The following OLFM2 variants were observed in gnomAD, a reference collection of about 807,000 sequenced individuals.
OLFM2 encodes noelin-2.
OLFM2 carries 20 observed loss-of-function variants against 43.9 expected under a neutral mutation model. That is an observed-to-expected ratio of 0.46 (90% CI 0.32 to 0.66). OLFM2 has a LOEUF of 0.66. Ranked by LOEUF, OLFM2 falls within the 30% of genes least tolerant of loss-of-function variation. OLFM2 has a pLI of 0.04. For synonymous variants in OLFM2, 268 were observed against 278.6 expected (o/e 0.96, Z 0.38); for missense variants, 416 against 643.6 (o/e 0.65, Z 3.83).
chr19:9,888,833 G>A (rs1041457796), intron 1 of OLFM2, among the ~76,000 whole-genome samples: 4 of 152,070 alleles, frequency 2.6e-5, no homozygotes, highest in South Asian at 2.1e-4. Context: ...TTGGGAGGCC[G>A]AGGCGGGCGG....
intron 1 of OLFM2, among the ~76,000 whole-genome samples, chr19:9,919,176 C>CTTTCTTT (rs1555728852): frequency 2.0e-5 from 3 of 149,262 alleles, no homozygotes; most frequent in Non-Finnish European, 4.4e-5. Context: ...ATTTCTCTCT[C>CTTTCTTT]TTTTTTTTGA....
intron 1 of OLFM2, among the ~76,000 whole-genome samples, chr19:9,900,966 GGAAGGAAGGAAGGA>G: frequency 2.4e-5 from 1 of 41,960 alleles, no homozygotes; most frequent in African/African-American, 2.0e-4. Flanking sequence ...AAGGAAGGAA[GGAAGGAAGGAAGGA>G]AGGAAGGAAG....
At chr19:9,922,093 C>CAAAAA (rs551625851) in intron 1 of OLFM2, among the ~76,000 whole-genome samples, 1 of 80,680 alleles carries the variant, frequency 1.2e-5, no homozygotes, top group Non-Finnish European at 2.7e-5. Context: ...GACCCTGTCT[C>CAAAAA]AAAAAAAAAA....
At chr19:9,889,267 T>C (rs1318294398) in intron 1 of OLFM2, among the ~76,000 whole-genome samples, 3 of 151,854 alleles carry the variant, frequency 2.0e-5, no homozygotes, top group Non-Finnish European at 4.4e-5. Context: ...TTTTTGTTTT[T>C]GAGATAGGCT....
intron 1 of OLFM2, among the ~76,000 whole-genome samples, chr19:9,867,419 C>T (rs968566528): frequency 9.2e-5 from 14 of 152,086 alleles, no homozygotes; most frequent in African/African-American, 3.4e-4. Context: ...CTGGTGTTTC[C>T]CTGGGGACGG....
intron 1 of OLFM2, among the ~76,000 whole-genome samples, chr19:9,901,036 G>GGGGAGGGAGGGAAGGGA (rs1242020805): frequency 5.3e-5 from 3 of 56,134 alleles, no homozygotes; most frequent in African/African-American, 1.5e-4. Flanking sequence ...GGAAGGAAGC[G>GGGGAGGGAGGGAAGGGA]GGGAGGGAGG....
In OLFM2 at chr19:9,856,829, A is replaced by G. The variant is rs753934718; in HGVS notation, c.665T>C (p.Met222Thr). 1 of 1,613,662 alleles carries G rather than the reference A, an allele frequency of 6.2e-7. No homozygotes were observed. Among genetic ancestry groups the G allele is most frequent in the Non-Finnish European group, 8.5e-7 (1 of 1,179,882 alleles). ...SRFGSWMTDT[M>T]APSADSRVWY... ...CACCCGGCTATCCGCACTGGGGGCC[A>G]TCGTGTCAGTCATCCAGGAGCCGAA... Residue 222 changes from methionine to threonine, a missense_variant, in exon 5 of 6, where the codon ATG becomes ACG. Coordinates refer to ENST00000264833, the MANE Select transcript of OLFM2 (RefSeq NM_058164.4). The surrounding 1 kb of genome is among the most constrained non-coding windows in gnomAD (Gnocchi z 4.0).
intron 1 of OLFM2, among the ~76,000 whole-genome samples, chr19:9,929,335 G>A (rs750723447): frequency 9.2e-5 from 14 of 152,158 alleles, no homozygotes; most frequent in Non-Finnish European, 1.5e-4. Context: ...GCTCACACCT[G>A]TAATCCCAGC....
intron 1 of OLFM2, among the ~76,000 whole-genome samples, chr19:9,911,644 T>C (rs546982014): frequency 1.3e-5 from 2 of 152,242 alleles, no homozygotes; most frequent in African/African-American, 2.4e-5. Flanking sequence ...ACAAAGATAC[T>C]TGCACACACG....
At position 9,856,406 on chromosome 19, in the gene OLFM2, G is replaced by A. The variant is rs2046318133; in HGVS notation, c.687+401C>T. On this transcript the variant is annotated intron_variant, in intron 5 of 5. Coordinates refer to ENST00000264833, the MANE Select transcript of OLFM2 (RefSeq NM_058164.4). This position sits in a 1 kb window ranked among gnomAD's most constrained non-coding sequence, Gnocchi z 4.0. ...AGCCACCATGCCCAGCCTCATGGAT[G>A]GTTCTTGTGTGTCTAAGTGATGGGC... Among the ~76,000 whole-genome samples, 1 of 152,166 alleles carries A rather than the reference G, an allele frequency of 6.6e-6. No individual in the cohort carries two copies.
chr19:9,900,905 G>C (rs2046726161), intron 1 of OLFM2, among the ~76,000 whole-genome samples: 1 of 136,372 alleles, frequency 7.3e-6, no homozygotes, highest in African/African-American at 2.8e-5. Flanking sequence ...GAGGAGAGGG[G>C]AGGGAAGGGG....
chr19:9,927,138 C>T (rs1002120808), intron 1 of OLFM2, among the ~76,000 whole-genome samples: 6 of 151,722 alleles, frequency 4.0e-5, no homozygotes, highest in Non-Finnish European at 8.8e-5. Context: ...AAAAATTAGC[C>T]AGGCGTGGTA....
rs141055054 is a variant in OLFM2, at chr19:9,906,349, C to T, written c.63+29955G>A. Among the ~76,000 whole-genome samples, 13 of 152,258 alleles carry T rather than the reference C, an allele frequency of 8.5e-5. No individual in the cohort carries two copies. The East Asian group carries it at 2.5e-3, about 29-fold the overall frequency. ...GTGGCTCGCTTAATTAATTAGTCCT[C>T]ATTGAGATATCTTTGCAAATATCCC... is the stretch of plus-strand genomic sequence containing the variant. On this transcript the variant is annotated intron_variant, in intron 1 of 5. Coordinates refer to ENST00000264833, the MANE Select transcript of OLFM2 (RefSeq NM_058164.4).
chr19:9,928,363 T>C (rs2086464955), intron 1 of OLFM2, among the ~76,000 whole-genome samples: 1 of 152,234 alleles, frequency 6.6e-6, no homozygotes, highest in Non-Finnish European at 1.5e-5. Flanking sequence ...GGCTTTGCCT[T>C]TTTGTTTCTT....
intron 1 of OLFM2, among the ~76,000 whole-genome samples, chr19:9,924,924 A>G (rs1490813595): frequency 1.3e-5 from 2 of 151,838 alleles, no homozygotes; most frequent in African/African-American, 4.8e-5. Flanking sequence ...ATATATAGAT[A>G]TGATTGATAT....
intron 1 of OLFM2, among the ~76,000 whole-genome samples, chr19:9,909,877 C>A (rs369371140): frequency 1.7e-4 from 26 of 152,114 alleles, no homozygotes; most frequent in African/African-American, 5.3e-4. Flanking sequence ...TACTATGTGC[C>A]CGTTATTTAT....
At chr19:9,933,446 C>T (rs1385643087) in intron 1 of OLFM2, among the ~76,000 whole-genome samples, 3 of 151,962 alleles carry the variant, frequency 2.0e-5, no homozygotes, top group South Asian at 2.1e-4. Context: ...CCATGTTGGC[C>T]GGGCTGGTCT....
At chr19:9,892,101 G>C (rs546084965) in intron 1 of OLFM2, among the ~76,000 whole-genome samples, 1 of 152,212 alleles carries the variant, frequency 6.6e-6, no homozygotes, top group African/African-American at 2.4e-5. Flanking sequence ...TTGTAAGACT[G>C]TGATGTGGTC....
rs1270309029 is a variant in OLFM2 at position 9,853,889 on chromosome 19, C to G, written c.*297G>C. On this transcript the variant is annotated 3_prime_UTR_variant, in exon 6 of 6. Transcript: ENST00000264833. ...GGGTGGAAGGACAGAGAGAGAGAGA[C>G]AGAGAGAGGCAGAGACGGAAAGAAC... is the stretch of plus-strand genomic sequence containing the variant. The G allele has an allele frequency of 1.8e-6, 1 of 554,634 alleles. No individual in the cohort carries two copies. The highest frequency in any genetic ancestry group is 3.2e-6 in the Non-Finnish European group (1 of 316,920). The allele number at this position is 554,634 out of a possible 1,614,324, so 34.4% of individuals were successfully genotyped here.
Sources: allele counts gnomAD v4.1 joint callset (sites outside exome capture counted in the v4.1 genomes callset), GRCh38; gene constraint gnomAD v4.1.1; non-coding constraint Gnocchi (gnomAD v3.1); transcripts MANE v1.5; gene names NCBI Gene and HGNC (gene_info 2026-07-23, HGNC 2026-07-21).